The following OR3A2 variants were observed in gnomAD, a reference collection of about 807,000 sequenced individuals.
OR3A2 encodes the protein olfactory receptor family 3 subfamily A member 2.
For missense variants in OR3A2, 318 were observed against 392.8 expected (o/e 0.81, Z 1.61); for synonymous variants, 126 against 159.3 (o/e 0.79, Z 1.57).
At chr17:3,370,379 T>G (rs545857822) in intron 2 of OR3A2, among the ~76,000 whole-genome samples, 189 of 152,264 alleles carry the variant, frequency 1.2e-3, no homozygotes, top group Non-Finnish European at 2.0e-3. Context: ...TATCTCCCAT[T>G]TTGTTTCTAA....
At chr17:3,324,281 T>A (rs781463782) in intron 3 of OR3A2, among the ~76,000 whole-genome samples, 4 of 152,088 alleles carry the variant, frequency 2.6e-5, no homozygotes, top group Non-Finnish European at 5.9e-5. Flanking sequence ...TCACAGTTTT[T>A]AACTTCTTTG....
At chr17:3,301,023 A>G (rs1391808871) in intron 3 of OR3A2, among the ~76,000 whole-genome samples, 1 of 152,134 alleles carries the variant, frequency 6.6e-6, no homozygotes, top group Non-Finnish European at 1.5e-5. Flanking sequence ...ACATGAACTC[A>G]TCCTTTTTTA....
intron 2 of OR3A2, among the ~76,000 whole-genome samples, chr17:3,336,410 C>A (rs905139433): frequency 6.6e-6 from 1 of 152,100 alleles, no homozygotes; most frequent in Non-Finnish European, 1.5e-5. Context: ...AATTTTCATA[C>A]ATATTTTGAC....
intron 2 of OR3A2, among the ~76,000 whole-genome samples, chr17:3,373,098 T>C (rs1054616946): frequency 4.6e-5 from 7 of 152,184 alleles, no homozygotes; most frequent in Admixed American, 4.6e-4. Context: ...TGCGTGTGTG[T>C]AGTTTTGAGG....
chr17:3,306,171 G>A (rs2048998526), intron 3 of OR3A2, among the ~76,000 whole-genome samples: 1 of 152,044 alleles, frequency 6.6e-6, no homozygotes, highest in Non-Finnish European at 1.5e-5. Context: ...TGTTTTTTTA[G>A]AGACAGGCCT....
Position 3,278,506 on chromosome 17 carries a change from G to A in OR3A2, c.412C>T (p.Arg138Cys), listed in dbSNP as rs766599138. The A allele has an allele frequency of 3.8e-5, 61 of 1,613,894 alleles. 1 individual carries two copies. The highest frequency in any genetic ancestry group is 3.6e-4 in the African/African-American group (27 of 74,840). The change falls in exon 2 of 2, where the codon CGC (arginine) becomes TGC (cysteine). Residue 138 changes from arginine to cysteine, a missense_variant. Coordinates refer to ENST00000642052, the Ensembl canonical transcript of OR3A2. ...ATCCTCTGGACTGTCTGACTCATGC[G>A]GGTGCTGTAGGTGAGGGGCTGGCAG...
intron 3 of OR3A2, among the ~76,000 whole-genome samples, chr17:3,324,632 C>T (rs140406613): frequency 6.6e-6 from 1 of 151,990 alleles, no homozygotes; most frequent in Non-Finnish European, 1.5e-5. Flanking sequence ...CACTCCAGAC[C>T]CTGTTTGCCT....
chr17:3,282,824 T>C (rs1309064762), intron 1 of OR3A2, among the ~76,000 whole-genome samples: 1 of 152,248 alleles, frequency 6.6e-6, no homozygotes, highest in East Asian at 1.9e-4. Context: ...AACAGAAGCA[T>C]TGGACAGCAA....
At chr17:3,356,828 CA>C (rs1167452076) in intron 2 of OR3A2, among the ~76,000 whole-genome samples, 1 of 151,614 alleles carries the variant, frequency 6.6e-6, no homozygotes, top group Non-Finnish European at 1.5e-5. Context: ...CCAACTGTCT[CA>C]TCTTTCTAAA....
At chr17:3,310,434 A>C (rs9905684) in intron 3 of OR3A2, 1 of 535,370 alleles carries the variant, frequency 1.9e-6, no homozygotes. Context: ...CGTCACTACC[A>C]TTGGAGGCAC....
exon 2 of OR3A2, chr17:3,278,144 A>G (rs972902120): frequency 2.5e-6 from 4 of 1,614,098 alleles, no homozygotes; most frequent in Non-Finnish European, 3.4e-6. Flanking sequence ...AGTTGAAGAT[A>G]CCTCTTCCAA....
At chr17:3,333,466 C>A (rs1035892829) in intron 3 of OR3A2, among the ~76,000 whole-genome samples, 5 of 152,130 alleles carry the variant, frequency 3.3e-5, no homozygotes, top group African/African-American at 9.7e-5. Context: ...ATCTTTGTGA[C>A]CTACTCCCTG....
chr17:3,278,655 A>G (rs770760336), exon 2 of OR3A2: 2 of 1,455,558 alleles, frequency 1.4e-6, no homozygotes, highest in South Asian at 2.3e-5. Context: ...GTGGGACAAG[A>G]GACGACCCAA....
intron 2 of OR3A2, among the ~76,000 whole-genome samples, chr17:3,372,969 T>A (rs2049645915): frequency 6.6e-6 from 1 of 151,634 alleles, no homozygotes; most frequent in South Asian, 2.1e-4. Flanking sequence ...TAGCACTACT[T>A]TTGCTACATC....
intron 2 of OR3A2, among the ~76,000 whole-genome samples, chr17:3,371,870 G>A (rs965214992): frequency 2.1e-5 from 3 of 143,834 alleles, no homozygotes; most frequent in East Asian, 2.2e-4. Context: ...CTGGCCGGGA[G>A]GGGAGCTGAC....
At chr17:3,358,747 T>C (rs2049483548) in intron 2 of OR3A2, among the ~76,000 whole-genome samples, 1 of 151,830 alleles carries the variant, frequency 6.6e-6, no homozygotes, top group Non-Finnish European at 1.5e-5. Context: ...GAAGAATGTA[T>C]ATTCTATTGT....
intron 3 of OR3A2, among the ~76,000 whole-genome samples, chr17:3,323,451 C>T (rs1279370894): frequency 6.6e-6 from 1 of 151,990 alleles, no homozygotes; most frequent in Non-Finnish European, 1.5e-5. Context: ...TCTTCCTAAC[C>T]TCGATGGTCT....
intron 3 of OR3A2, among the ~76,000 whole-genome samples, chr17:3,330,897 G>C (rs1169260835): frequency 6.6e-6 from 1 of 151,638 alleles, no homozygotes; most frequent in Non-Finnish European, 1.5e-5. Context: ...AGCTCTTTTA[G>C]GGCAGGCCTG....
At chr17:3,372,039 C>T (rs1189786594) in intron 2 of OR3A2, among the ~76,000 whole-genome samples, 13 of 135,704 alleles carry the variant, frequency 9.6e-5, no homozygotes, top group Non-Finnish European at 1.9e-4. Flanking sequence ...GGGCGGCTGC[C>T]GGGCGGAGGG....
Sources: gnomAD v4.1 joint callset for allele counts (sites outside exome capture counted in the v4.1 genomes callset) on GRCh38, gnomAD v4.1.1 for gene constraint, MANE v1.5 for transcripts, NCBI Gene and HGNC (gene_info 2026-07-23, HGNC 2026-07-21) for gene names.